TLL2: variants seen among roughly 807,000 people sequenced by gnomAD.
TLL2 encodes tolloid like 2.
In TLL2, 106 loss-of-function variants were observed where a neutral mutation model predicts 123.0. The ratio of observed to expected loss-of-function variants is 0.86; its 90% CI spans 0.74 to 1.01. TLL2 has a LOEUF of 1.01. Ranked by LOEUF, TLL2 falls within the 50% of genes least tolerant of loss-of-function variation. The pLI is 0.00. For missense variants in TLL2, 1,332 were observed against 1,336.7 expected, an observed-to-expected ratio of 1.00 and a Z score of 0.06; for synonymous variants, 494 against 516.8, an observed-to-expected ratio of 0.96 and a Z score of 0.60.
At chr10:96,458,425 A>T (rs1287128475) in intron 2 of TLL2, among the ~76,000 whole-genome samples, 1 of 151,916 alleles carries the variant, frequency 6.6e-6, no homozygotes, top group African/African-American at 2.4e-5. Flanking sequence ...TGTCTCTGCT[A>T]AAAATACAAA....
intron 2 of TLL2, among the ~76,000 whole-genome samples, chr10:96,460,831 C>T (rs990843810): frequency 6.6e-6 from 1 of 152,102 alleles, no homozygotes; most frequent in Admixed American, 6.5e-5. Context: ...AAAAGAGACC[C>T]CAGAGAACTC....
chr10:96,400,357 CAA>C (rs55975748), intron 10 of TLL2, among the ~76,000 whole-genome samples: 27,084 of 110,390 alleles, frequency 0.25, 2,916 homozygotes, highest in South Asian at 0.39. Context: ...CTACTACCAT[CAA>C]AAAAAAAAAA....
At chr10:96,370,582 GC>G (rs1378187793) in intron 19 of TLL2, among the ~76,000 whole-genome samples, 1 of 152,220 alleles carries the variant, frequency 6.6e-6, no homozygotes, top group Non-Finnish European at 1.5e-5. Flanking sequence ...AGAGTTGGCT[GC>G]TTTTTGTTTT....
At chr10:96,415,053 C>A (rs796457979) in intron 7 of TLL2, among the ~76,000 whole-genome samples, 1 of 152,192 alleles carries the variant, frequency 6.6e-6, no homozygotes, top group Non-Finnish European at 1.5e-5. Flanking sequence ...ATGGAATCAT[C>A]CCAGAATGCA....
At chr10:96,394,048 G>A (rs1271823069) in intron 13 of TLL2, among the ~76,000 whole-genome samples, 1 of 152,232 alleles carries the variant, frequency 6.6e-6, no homozygotes, top group Admixed American at 6.5e-5. Context: ...CAGTGCAGAA[G>A]TGGGTTCTTT....
chr10:96,414,933 A>G (rs1369044491), intron 7 of TLL2, among the ~76,000 whole-genome samples: 1 of 152,120 alleles, frequency 6.6e-6, no homozygotes, highest in African/African-American at 2.4e-5. Context: ...CCATAGCTCA[A>G]GTGATCAACA....
At chr10:96,483,055 G>T (rs1847326049) in intron 1 of TLL2, among the ~76,000 whole-genome samples, 1 of 152,188 alleles carries the variant, frequency 6.6e-6, no homozygotes. Context: ...GAACCAAACA[G>T]ATAAGAAGAT....
At chr10:96,374,968 G>T (rs375727131) in intron 18 of TLL2, among the ~76,000 whole-genome samples, 9 of 140,290 alleles carry the variant, frequency 6.4e-5, no homozygotes, top group East Asian at 2.2e-4. Context: ...TTGCGGGGGG[G>T]GGGGGGGGGT....
chr10:96,481,405 C>T (rs1310449471), intron 1 of TLL2, among the ~76,000 whole-genome samples: 1 of 152,170 alleles, frequency 6.6e-6, no homozygotes, highest in East Asian at 1.9e-4. Flanking sequence ...ACTGGGATTA[C>T]AGGTGTGATG....
At chr10:96,384,904 C>A in intron 15 of TLL2, 137 bp from the exon 16 acceptor site, 1 of 819,316 alleles carries the variant, frequency 1.2e-6, no homozygotes, top group Non-Finnish European at 1.7e-6. Context: ...CTTGCTACGC[C>A]GGTTATTTGA....
At chr10:96,407,339 C>T (rs1846460951) in intron 9 of TLL2, among the ~76,000 whole-genome samples, 1 of 152,098 alleles carries the variant, frequency 6.6e-6, no homozygotes, top group African/African-American at 2.4e-5. Flanking sequence ...TGGAACGCCC[C>T]ACCCTCTGTC....
chr10:96,373,622 T>C lies in TLL2; in HGVS notation c.2636A>G (p.Lys879Arg). The C allele has an allele frequency of 6.2e-7, 1 of 1,614,232 alleles. No homozygotes were observed. The highest frequency in any genetic ancestry group is 1.1e-5 in the South Asian group (1 of 91,076). ...TGTGCTGTGCACTGCCTGGAAGCCT[T>C]TCCTCTGCACTGAGGCATCCGAATA... ...RFYSDASVQR[K>R]GFQAVHSTEC... Residue 879 changes from lysine to arginine, a missense_variant, in exon 19 of 21, where the codon AAA (lysine) becomes AGA (arginine). Coordinates refer to ENST00000357947, the MANE Select transcript of TLL2 (RefSeq NM_012465.4).
intron 2 of TLL2, 53 bp from the exon 3 acceptor site, chr10:96,446,221 C>G: frequency 1.3e-6 from 2 of 1,579,992 alleles, no homozygotes; most frequent in Non-Finnish European, 1.7e-6. Context: ...TTCTCTGCAT[C>G]AGCACCAAGG....
intron 2 of TLL2, 124 bp from the exon 3 acceptor site, chr10:96,446,292 C>A: frequency 1.1e-6 from 1 of 874,154 alleles, no homozygotes; most frequent in Non-Finnish European, 1.8e-6. Context: ...TCGTAAGCTT[C>A]GTTCCACAAA....
chr10:96,458,862 A>C (rs992046952), intron 2 of TLL2, among the ~76,000 whole-genome samples: 1 of 152,094 alleles, frequency 6.6e-6, no homozygotes, highest in African/African-American at 2.4e-5. Context: ...TGGGAGGTCA[A>C]GGTGGGAGGA....
chr10:96,404,341 T>C (rs1228243520), intron 10 of TLL2, among the ~76,000 whole-genome samples: 1 of 152,160 alleles, frequency 6.6e-6, no homozygotes, highest in Non-Finnish European at 1.5e-5. Context: ...TAAGCTAACT[T>C]TCCATGGGTG....
intron 20 of TLL2, among the ~76,000 whole-genome samples, chr10:96,368,690 G>A (rs1383489714): frequency 6.6e-6 from 1 of 152,206 alleles, no homozygotes; most frequent in Non-Finnish European, 1.5e-5. Context: ...TCTCCCAGGA[G>A]ACCTGAAACA....
rs955032488 is a variant in TLL2, at chr10:96,454,091, T to C, written c.287-7923A>G. On this transcript the variant is annotated intron_variant, in intron 2 of 20. Coordinates refer to ENST00000357947, the MANE Select transcript of TLL2 (RefSeq NM_012465.4). Reference sequence around the variant, plus strand: ...TTCTGATGAGAAAGAAACATAGTTGTGTTTATGCAGATGGAAAAGTTGTAA... The same window carrying C: ...TTCTGATGAGAAAGAAACATAGTTGCGTTTATGCAGATGGAAAAGTTGTAA... 3.9e-5 allele frequency among the ~76,000 whole-genome samples: 6 copies of C among 152,290 alleles called. No individual in the cohort carries two copies. The South Asian group carries it at 8.3e-4, about 21-fold the overall frequency.
At chr10:96,412,467 G>A (rs1294260131) in intron 8 of TLL2, among the ~76,000 whole-genome samples, 1 of 152,180 alleles carries the variant, frequency 6.6e-6, no homozygotes, top group Non-Finnish European at 1.5e-5. Context: ...AGGCTCAAGA[G>A]CTGAAAGGGG....
Sources: gnomAD v4.1 joint callset for allele counts (sites outside exome capture counted in the v4.1 genomes callset) on GRCh38, gnomAD v4.1.1 for gene constraint, MANE v1.5 for transcripts, NCBI Gene and HGNC (gene_info 2026-07-23, HGNC 2026-07-21) for gene names.